Variants in CSF1 observed in about 807,000 individuals in gnomAD.
CSF1 encodes macrophage colony-stimulating factor 1.
Under a neutral mutation model 48.9 loss-of-function variants are expected in CSF1, and 9 were observed. That is an observed-to-expected ratio of 0.18 (90% CI 0.11 to 0.32). The LOEUF is 0.32. CSF1 is among the 10% of genes least tolerant of loss of function. CSF1 has a pLI of 1.00. For missense variants in CSF1, 672 were observed against 697.9 expected (o/e 0.96, Z 0.42); for synonymous variants, 305 against 284.1 (o/e 1.07, Z -0.74).
Position 109,924,099 on chromosome 1 carries a change from T to A in CSF1, c.1478T>A (p.Leu493His), listed in dbSNP as rs1342414389. Residue 493 changes from leucine to histidine, a missense_variant, in exon 6 of 9, where the codon CTC becomes CAC. By Grantham distance (99) the Leu-to-His change is moderately conservative. Around this residue, in one of 3 missense-constraint regions of CSF1, gnomAD observed 591 missense variants for 593.6 expected, o/e 1.00. Coordinates refer to ENST00000329608, the MANE Select transcript of CSF1 (RefSeq NM_000757.6). Reference sequence around the variant, plus strand: ...TCCGAGGGATCCTTCAGCCCGCAGCTCCAGGAGTCTGTCTTCCACCTGCTG... The same window carrying A: ...TCCGAGGGATCCTTCAGCCCGCAGCACCAGGAGTCTGTCTTCCACCTGCTG... ...RQSEGSFSPQLQESVFHLLVP... is the reference protein window; with the variant it reads ...RQSEGSFSPQHQESVFHLLVP... The A allele has an allele frequency of 6.2e-7, 1 of 1,614,174 alleles. No homozygotes were observed. The highest frequency in any genetic ancestry group is 8.5e-7 in the Non-Finnish European group (1 of 1,180,018).
upstream of CSF1, chr1:109,910,561 G>A: frequency 3.2e-6 from 1 of 307,876 alleles, no homozygotes; most frequent in Non-Finnish European, 6.9e-6. Context: ...GCGCGGGGAA[G>A]GCAGGGTGGG....
chr1:109,923,280 G>C lies in CSF1; in HGVS notation c.659G>C (p.Gly220Ala). The C allele has an allele frequency of 6.2e-7, 1 of 1,612,208 alleles. No individual in the cohort carries two copies. Among genetic ancestry groups the C allele is most frequent in the African/African-American group, 1.3e-5 (1 of 74,986 alleles). ...GCCCCCTCCATGGCCCCTGTGGCTG[G>C]CTTGACCTGGGAGGACTCTGAGGGA... is the stretch of plus-strand genomic sequence containing the variant. ...PLAPSMAPVA[G>A]LTWEDSEGTE... Residue 220 changes from glycine to alanine, a missense_variant, in exon 6 of 9, where the codon GGC becomes GCC. By Grantham distance (60) the Gly-to-Ala change is moderately conservative. Transcript: ENST00000329608.
chr1:109,915,552 T>C, intron 2 of CSF1, 82 bp from the exon 3 acceptor site: 2 of 1,204,288 alleles, frequency 1.7e-6, no homozygotes, highest in Non-Finnish European at 2.5e-6. Context: ...ACTCAGAAGC[T>C]AAGGTCCCCG....
rs1249762078 is a variant in CSF1, at chr1:109,923,207, G to A, written c.586G>A (p.Ala196Thr). The change falls in exon 6 of 9, where the codon GCC (alanine) becomes ACC (threonine). Residue 196 changes from alanine (A) to threonine (T), a missense_variant. Ala to Thr is a moderately conservative substitution (Grantham distance 58). Transcript: ENST00000329608. Reference sequence around the variant, plus strand: ...TGATTGCAACTGCCTGTACCCCAAAGCCATCCCTAGCAGTGACCCGGCCTC... The same window carrying A: ...TGATTGCAACTGCCTGTACCCCAAAACCATCCCTAGCAGTGACCCGGCCTC... ...KPDCNCLYPK[A>T]IPSSDPASVS... 1.3e-6 allele frequency: 2 copies of A among 1,537,790 alleles called. No individual in the cohort carries two copies. Among genetic ancestry groups the A allele is most frequent in the Admixed American group, 2.1e-5 (1 of 47,758 alleles).
At chr1:109,924,646 C>A in intron 6 of CSF1, 130 bp from the exon 7 acceptor site, 1 of 787,874 alleles carries the variant, frequency 1.3e-6, no homozygotes, top group Admixed American at 2.4e-5. Context: ...TGGCTGATCC[C>A]CACTTTTGGG....
chr1:109,922,019 T>C, intron 5 of CSF1, 25 bp downstream of exon 5: 1 of 1,565,444 alleles, frequency 6.4e-7, no homozygotes. Context: ...GGCCAGCAAG[T>C]GTGTGGGGGT....
chr1:109,924,619 A>C (rs1230046130), intron 6 of CSF1, among the ~76,000 whole-genome samples, 157 bp from the exon 7 acceptor site: 1 of 152,066 alleles, frequency 6.6e-6, no homozygotes, highest in Non-Finnish European at 1.5e-5. Context: ...AGACCTCACA[A>C]ATCTCCCTTG....
intron 4 of CSF1, among the ~76,000 whole-genome samples, chr1:109,918,233 T>A (rs1186068209): frequency 6.6e-6 from 1 of 152,092 alleles, no homozygotes; most frequent in East Asian, 1.9e-4. Context: ...AACAGGAAAG[T>A]GCACATTCAG....
At chr1:109,922,720 CCTGTGGCTGTGG>C (rs3835719) in intron 5 of CSF1, among the ~76,000 whole-genome samples, 2 of 151,646 alleles carry the variant, frequency 1.3e-5, no homozygotes, top group African/African-American at 4.9e-5. Flanking sequence ...CCTGTTCCTG[CCTGTGGCTGTGG>C]CTGTGGCTGT....
At position 109,923,646 on chromosome 1, in the gene CSF1, A is replaced by T; in HGVS notation, c.1025A>T (p.Asn342Ile). The change falls in exon 6 of 9, where the codon AAC becomes ATC. Residue 342 changes from asparagine (N) to isoleucine (I), a missense_variant. By Grantham distance (149) the Asn-to-Ile change is moderately radical (BLOSUM62 -3). Around this residue, in one of 3 missense-constraint regions of CSF1, gnomAD observed 591 missense variants for 593.6 expected, o/e 1.00. Coordinates refer to ENST00000329608, the MANE Select transcript of CSF1 (RefSeq NM_000757.6). ...SMQTEPARPS[N>I]FLSASSPLPA... Reference sequence around the variant, plus strand: ...CAGACAGAGCCCGCCAGACCCAGCAACTTCCTCTCAGCATCTTCTCCACTC... The same window carrying T: ...CAGACAGAGCCCGCCAGACCCAGCATCTTCCTCTCAGCATCTTCTCCACTC... The T allele has an allele frequency of 6.2e-7, 1 of 1,613,832 alleles. No homozygotes were observed. Among genetic ancestry groups the T allele is most frequent in the South Asian group, 1.1e-5 (1 of 91,080 alleles).
At chr1:109,910,824 A>G (rs1409554977), upstream of CSF1, 2 of 229,792 alleles carry the variant, frequency 8.7e-6, no homozygotes, top group Non-Finnish European at 1.6e-5. Context: ...CCTCTCTTAA[A>G]AGGCTGTGCC....
intron 1 of CSF1, 54 bp from the exon 2 acceptor site, chr1:109,914,205 G>A (rs532692920): frequency 4.5e-6 from 7 of 1,542,932 alleles, no homozygotes; most frequent in South Asian, 2.6e-5. Flanking sequence ...GCAGGGCATG[G>A]GGATAACTGG....
In CSF1 at chr1:109,911,063, G is replaced by T; in HGVS notation, c.39+1G>T. 1 of 1,095,444 alleles carries T rather than the reference G, an allele frequency of 9.1e-7. No homozygotes were observed. The highest frequency in any genetic ancestry group is 1.1e-6 in the Non-Finnish European group (1 of 901,948). The allele number at this position is 1,095,444 out of a possible 1,614,324, so 67.9% of individuals were successfully genotyped here. On this transcript the variant is annotated splice_donor_variant, in intron 1 of 8. Transcript: ENST00000329608. LOFTEE classifies it high-confidence loss of function. Reference sequence around the variant, plus strand: ...CGCCGCCGGGCGCTGCCCTCCCACGGTAAGCGACGGCCGCGGCGCTGGGCC... The same window carrying T: ...CGCCGCCGGGCGCTGCCCTCCCACGTTAAGCGACGGCCGCGGCGCTGGGCC...
intron 4 of CSF1, 65 bp from the exon 5 acceptor site, chr1:109,921,782 C>T: frequency 6.8e-7 from 1 of 1,462,224 alleles, no homozygotes; most frequent in African/African-American, 1.4e-5. Flanking sequence ...GGGAATTTGA[C>T]AAATAAGATG....
chr1:109,925,188 A>G lies in CSF1; in HGVS notation c.1664A>G (p.Ter555TrpextTer4). The G allele has an allele frequency of 6.2e-7, 1 of 1,613,902 alleles. No individual in the cohort carries two copies. The highest frequency in any genetic ancestry group is 8.5e-7 in the Non-Finnish European group (1 of 1,179,874). ...QDDRQVELPV* is the reference protein window; with the variant it reads ...QDDRQVELPVW The stretch of plus-strand genomic sequence containing the variant: ...GACAGACAGGTGGAACTGCCAGTGT[A>G]GAGGGAATTCTAAGGTAAGATTCTG... The change falls in exon 8 of 9, where the codon TAG becomes TGG. Residue 555 changes from the stop codon to tryptophan (W), a stop_lost. Transcript: ENST00000329608.
At chr1:109,921,468 T>C (rs767893008) in intron 4 of CSF1, among the ~76,000 whole-genome samples, 2 of 152,224 alleles carry the variant, frequency 1.3e-5, no homozygotes, top group Non-Finnish European at 2.9e-5. Flanking sequence ...CTTGTTTAGT[T>C]CCCCTTGTTG....
At chr1:109,924,301 A>G in intron 6 of CSF1, 111 bp downstream of exon 6, 2 of 899,014 alleles carry the variant, frequency 2.2e-6, no homozygotes, top group Non-Finnish European at 3.3e-6. Flanking sequence ...CTTCAGACAC[A>G]GAGAGATAGG....
chr1:109,925,249 T>C (rs1647791152), intron 8 of CSF1, 47 bp downstream of exon 8: 2 of 1,521,300 alleles, frequency 1.3e-6, no homozygotes, highest in Admixed American at 1.7e-5. Flanking sequence ...ACCTATACCC[T>C]TTTCCAGTCA....
intron 4 of CSF1, 88 bp from the exon 5 acceptor site, chr1:109,921,759 T>G: frequency 9.0e-5 from 128 of 1,423,914 alleles, no homozygotes; most frequent in Non-Finnish European, 1.1e-4. Context: ...AAGACAGATG[T>G]GAGAAAGGCC....
Sources: allele counts gnomAD v4.1 joint callset (sites outside exome capture counted in the v4.1 genomes callset), GRCh38; gene constraint gnomAD v4.1.1; regional missense constraint gnomAD v4.1.1; transcripts MANE v1.5; gene names NCBI Gene and HGNC (gene_info 2026-07-23, HGNC 2026-07-21).